CORO2A: variants seen among roughly 807,000 people sequenced by gnomAD.
CORO2A encodes coronin-2A.
In CORO2A, 47 loss-of-function variants were observed where a neutral mutation model predicts 62.4. The observed-to-expected ratio is 0.75, with a 90% CI of 0.60 to 0.96. The LOEUF (loss-of-function observed/expected upper bound fraction) is 0.96, where lower values mean the gene tolerates loss of function less well. CORO2A is among the 40% of genes least tolerant of loss of function. The pLI, the probability that CORO2A is intolerant of heterozygous loss-of-function variation, is 0.00. For missense variants in CORO2A, 610 were observed against 684.1 expected (o/e 0.89, Z 1.21); for synonymous variants, 273 against 268.9 (o/e 1.02, Z -0.15).
At chr9:98,141,349 CT>C (rs138734683) in intron 2 of CORO2A, among the ~76,000 whole-genome samples, 5,108 of 103,790 alleles carry the variant, frequency 0.049, 135 homozygotes, top group African/African-American at 0.12. Context: ...ACCACTGACC[CT>C]TTTTTTTTTT....
intron 1 of CORO2A, among the ~76,000 whole-genome samples, chr9:98,169,094 G>A (rs531523239): frequency 3.5e-4 from 53 of 152,322 alleles, no homozygotes; most frequent in Non-Finnish European, 4.1e-4. Flanking sequence ...CAGCCATCCA[G>A]GGACCCTCCT....
chr9:98,159,938 G>C (rs1035126803), intron 1 of CORO2A, among the ~76,000 whole-genome samples: 1 of 152,140 alleles, frequency 6.6e-6, no homozygotes, highest in African/African-American at 2.4e-5. Flanking sequence ...CAGCCCACAC[G>C]GCTGACCCAT....
intron 1 of CORO2A, among the ~76,000 whole-genome samples, chr9:98,184,069 T>C (rs1314015085): frequency 6.6e-6 from 1 of 152,132 alleles, no homozygotes; most frequent in East Asian, 1.9e-4. Context: ...TGTGTGTAGG[T>C]TACATGTAAA....
At position 98,126,639 on chromosome 9, in the gene CORO2A, C is replaced by T. The variant is rs750243854; in HGVS notation, c.1356G>A (p.Trp452Ter). ...TCTCCTCCAGCCTGTGTTCTGCTGCCCACCTTGGCATCTTCTCCTCCAACA... is the reference window on the plus strand; with the variant it reads ...TCTCCTCCAGCCTGTGTTCTGCTGCTCACCTTGGCATCTTCTCCTCCAACA... The part of the protein sequence containing the change: ...SSLLEEKMPR[W>*]AAEHRLEEKK... Residue 452 changes from tryptophan to a stop codon, truncating the protein, a stop_gained, in exon 11 of 12, where the codon TGG (tryptophan) becomes TGA (stop). Transcript: ENST00000375077. LOFTEE classifies it high-confidence loss of function. 1.2e-6 allele frequency: 2 copies of T among 1,614,188 alleles called. No individual in the cohort carries two copies. Among genetic ancestry groups the T allele is most frequent in the Admixed American group, 3.3e-5 (2 of 60,020 alleles).
intron 2 of CORO2A, among the ~76,000 whole-genome samples, chr9:98,145,366 TG>T (rs1827629897): frequency 6.6e-6 from 1 of 152,214 alleles, no homozygotes; most frequent in Admixed American, 6.5e-5. Context: ...TAGACACATC[TG>T]GGCCCTCTGT....
chr9:98,180,671 C>G (rs1287181957), intron 1 of CORO2A, among the ~76,000 whole-genome samples: 1 of 152,170 alleles, frequency 6.6e-6, no homozygotes, highest in East Asian at 1.9e-4. Flanking sequence ...TCCAAAGTCA[C>G]TAATTCAAGC....
At chr9:98,140,805 T>C (rs1215077612) in intron 2 of CORO2A, among the ~76,000 whole-genome samples, 1 of 152,176 alleles carries the variant, frequency 6.6e-6, no homozygotes, top group East Asian at 1.9e-4. Flanking sequence ...CCTCTGGAAA[T>C]ACTCTGGCTA....
intron 3 of CORO2A, among the ~76,000 whole-genome samples, chr9:98,136,005 C>T (rs557817166): frequency 2.0e-5 from 3 of 152,330 alleles, no homozygotes; most frequent in South Asian, 4.1e-4. Flanking sequence ...CCTCCAGGCC[C>T]TGAAGGCAGG....
intron 1 of CORO2A, among the ~76,000 whole-genome samples, chr9:98,176,604 G>T (rs55744221): frequency 0.058 from 8,769 of 152,176 alleles, 394 homozygotes; most frequent in Admixed American, 0.14. Flanking sequence ...CCACTGGGGG[G>T]TGGGGGTTTC....
intron 2 of CORO2A, among the ~76,000 whole-genome samples, chr9:98,145,126 A>C (rs967677433): frequency 1.3e-5 from 2 of 152,260 alleles, no homozygotes; most frequent in African/African-American, 4.8e-5. Flanking sequence ...TGGAGGGTTT[A>C]CTGTAGAATC....
In CORO2A at chr9:98,123,274, A is replaced by G. The variant is rs956426332; in HGVS notation, c.*1500T>C. On this transcript the variant is annotated 3_prime_UTR_variant, in exon 12 of 12. Coordinates refer to ENST00000375077, the MANE Select transcript of CORO2A (RefSeq NM_052820.4). ...TCAGCCCAGCCCTGCCATGAAACAA[A>G]TATCACTTGCCTCTCTCTAGGCCTT... 2.6e-5 allele frequency: 4 copies of G among 152,254 alleles called. No individual in the cohort carries two copies. Among genetic ancestry groups the G allele is most frequent in the African/African-American group, 7.2e-5 (3 of 41,468 alleles). 9.4% of individuals were successfully genotyped at this position (152,254 alleles called of 1,614,324 possible).
chr9:98,123,134 G>T lies in CORO2A; in HGVS notation c.*1640C>A, dbSNP rs772507255. 1 of 152,302 alleles carries T rather than the reference G, an allele frequency of 6.6e-6. No individual in the cohort carries two copies. Among genetic ancestry groups the T allele is most frequent in the Non-Finnish European group, 1.5e-5 (1 of 68,122 alleles). The allele number at this position is 152,302 out of a possible 1,614,324, so 9.4% of individuals were successfully genotyped here. A position where few individuals can be genotyped will look rare whatever the true frequency, so the allele number is the denominator to read the frequency against. Reference sequence around the variant, plus strand: ...CCAGAGAGGGCAGGACTTGCAAGAGGTCACTGAGTAAGCTGGGGCACAGCT... The same window carrying T: ...CCAGAGAGGGCAGGACTTGCAAGAGTTCACTGAGTAAGCTGGGGCACAGCT... On this transcript the variant is annotated 3_prime_UTR_variant, in exon 12 of 12. Transcript: ENST00000375077.
At chr9:98,159,030 C>T (rs552634027) in intron 1 of CORO2A, among the ~76,000 whole-genome samples, 1 of 151,862 alleles carries the variant, frequency 6.6e-6, no homozygotes, top group South Asian at 2.1e-4. Flanking sequence ...ACCAAGCCCT[C>T]ACCACCCCAC....
intron 1 of CORO2A, among the ~76,000 whole-genome samples, chr9:98,183,883 C>T (rs368306227): frequency 4.6e-5 from 7 of 152,314 alleles, no homozygotes; most frequent in African/African-American, 1.4e-4. Flanking sequence ...ATCACTTGAA[C>T]CCGGGAGGCG....
At chr9:98,145,337 G>A (rs113243731) in intron 2 of CORO2A, among the ~76,000 whole-genome samples, 1 of 152,186 alleles carries the variant, frequency 6.6e-6, no homozygotes, top group Admixed American at 6.5e-5. Flanking sequence ...TGGTCCTGGC[G>A]TTGTCCTTTG....
At chr9:98,157,705 G>C (rs755756305) in intron 1 of CORO2A, 45 bp from the exon 2 acceptor site, 5 of 1,536,204 alleles carry the variant, frequency 3.3e-6, no homozygotes, top group African/African-American at 1.4e-5. Flanking sequence ...TCACTGCCCT[G>C]ATCATGGGAC....
chr9:98,158,557 C>G (rs1827837909), intron 1 of CORO2A, among the ~76,000 whole-genome samples: 1 of 152,124 alleles, frequency 6.6e-6, no homozygotes, highest in African/African-American at 2.4e-5. Context: ...CTGAGCCCAG[C>G]CTTTACAGGA....
chr9:98,131,045 C>T lies in CORO2A; in HGVS notation c.780G>A (p.Val260=), dbSNP rs1296854655. 1.9e-6 allele frequency: 3 copies of T among 1,612,780 alleles called. No homozygotes were observed. The highest frequency in any genetic ancestry group is 2.5e-6 in the Non-Finnish European group (3 of 1,179,432). ...CGTCCAGGTCCTCCTCCATCAGAGGCACAGAGAGGTTATCCTGCAGGGGAA... is the reference window on the plus strand; with the variant it reads ...CGTCCAGGTCCTCCTCCATCAGAGGTACAGAGAGGTTATCCTGCAGGGGAA... ...VALWDQDNLS[V]PLMEEDLDGS... is the part of the protein sequence containing the mutation. Residue 260 remains valine (V), a synonymous_variant, in exon 7 of 12, where the codon GTG becomes GTA. Transcript: ENST00000375077.
In CORO2A at chr9:98,123,738, C is replaced by G. The variant is rs1457638152; in HGVS notation, c.*1036G>C. 1 of 152,302 alleles carries G rather than the reference C, an allele frequency of 6.6e-6. No individual in the cohort carries two copies. The highest frequency in any genetic ancestry group is 1.9e-4 in the East Asian group (1 of 5,202). 9.4% of individuals were successfully genotyped at this position (152,302 alleles called of 1,614,324 possible). On this transcript the variant is annotated 3_prime_UTR_variant, in exon 12 of 12. Transcript: ENST00000375077. ...TGGCATGATCTTGGTTCACTGCAAC[C>G]TCCGCCTCCCAGGCTCAAGCGATTC...
Sources: allele counts gnomAD v4.1 joint callset (sites outside exome capture counted in the v4.1 genomes callset), GRCh38; gene constraint gnomAD v4.1.1; transcripts MANE v1.5; gene names NCBI Gene and HGNC (gene_info 2026-07-23, HGNC 2026-07-21).